CHAT: variants seen among roughly 807,000 people sequenced by gnomAD.
CHAT encodes the protein choline O-acetyltransferase, also known as acetyl CoA:choline O-acetyltransferase.
In CHAT, 61 loss-of-function variants were observed where a neutral mutation model predicts 76.9. The ratio of observed to expected loss-of-function variants is 0.79; its 90% CI spans 0.65 to 0.98. The LOEUF (loss-of-function observed/expected upper bound fraction) is 0.98. CHAT is among the 50% of genes least tolerant of loss of function. CHAT has a pLI of 0.00. For synonymous variants in CHAT, 407 were observed against 397.4 expected (o/e 1.02, Z -0.29); for missense variants, 946 against 986.9 (o/e 0.96, Z 0.56).
At chr10:49,622,283 C>A in intron 5 of CHAT, 133 bp downstream of exon 5, 1 of 921,400 alleles carries the variant, frequency 1.1e-6, no homozygotes, top group Admixed American at 1.7e-5. Context: ...GTCCCTGCCC[C>A]AACCCACTCC....
At chr10:49,661,788 T>G (rs1840201771) in intron 13 of CHAT, among the ~76,000 whole-genome samples, 3 of 152,114 alleles carry the variant, frequency 2.0e-5, no homozygotes. Context: ...GTGTGCATAC[T>G]ACATACCCAG....
At chr10:49,642,130 A>T (rs547199516) in intron 7 of CHAT, among the ~76,000 whole-genome samples, 2 of 152,242 alleles carry the variant, frequency 1.3e-5, no homozygotes, top group Admixed American at 1.3e-4. Context: ...GGGCTCCTTG[A>T]GGAAGATTGA....
intron 13 of CHAT, among the ~76,000 whole-genome samples, chr10:49,655,779 A>G (rs1004435647): frequency 6.6e-6 from 1 of 152,222 alleles, no homozygotes; most frequent in Non-Finnish European, 1.5e-5. Context: ...AAGGGGCTCA[A>G]GCCTGGCAAG....
chr10:49,641,007 AACAG>A (rs143341287), intron 7 of CHAT, among the ~76,000 whole-genome samples: 3,066 of 152,312 alleles, frequency 0.02, 119 homozygotes, highest in African/African-American at 0.071. Flanking sequence ...AGGCTTAAAC[AACAG>A]ACATTTATTT....
chr10:49,664,260 C>T (rs967879128), intron 14 of CHAT, among the ~76,000 whole-genome samples: 1 of 152,160 alleles, frequency 6.6e-6, no homozygotes, highest in African/African-American at 2.4e-5. Flanking sequence ...CTTTGAAACA[C>T]CCAACTCTGG....
intron 7 of CHAT, among the ~76,000 whole-genome samples, chr10:49,629,046 A>T (rs192603937): frequency 5.2e-4 from 79 of 152,346 alleles, no homozygotes; most frequent in African/African-American, 1.9e-3. Flanking sequence ...TCCTTCCCGC[A>T]CACTCTGTCA....
At chr10:49,639,516 T>C (rs1019364982) in intron 7 of CHAT, among the ~76,000 whole-genome samples, 2 of 142,752 alleles carry the variant, frequency 1.4e-5, no homozygotes, top group African/African-American at 2.6e-5. Context: ...TTTTCTCCTA[T>C]AGAATATATA....
rs773325047 is a variant in CHAT at position 49,663,656 on chromosome 10, C to T, written c.1977+874C>T. 3.5e-4 allele frequency among the ~76,000 whole-genome samples: 54 copies of T among 152,160 alleles called. 2 individuals are homozygous for T. The highest frequency in any genetic ancestry group is 3.9e-4 in the Admixed American group (6 of 15,276). On this transcript the variant is annotated intron_variant, in intron 14 of 14. Coordinates refer to ENST00000337653, the MANE Select transcript of CHAT (RefSeq NM_020549.5). ...AGGTCGTGGTTTAGGAGGGGAAATGCCCCACAGCCATCAATTTACTAAAAT... is the reference window on the plus strand; with the variant it reads ...AGGTCGTGGTTTAGGAGGGGAAATGTCCCACAGCCATCAATTTACTAAAAT...
chr10:49,615,735 C>G (rs866210079), intron 1 of CHAT: 3 of 474,610 alleles, frequency 6.3e-6, no homozygotes, highest in Non-Finnish European at 1.1e-5. Flanking sequence ...TGGCTCACTT[C>G]TACTGTACCT....
intron 7 of CHAT, among the ~76,000 whole-genome samples, chr10:49,633,318 G>A (rs1395074526): frequency 6.6e-6 from 1 of 152,184 alleles, no homozygotes; most frequent in Non-Finnish European, 1.5e-5. Flanking sequence ...CTGCTTACTC[G>A]GATATTAGCA....
At chr10:49,660,329 C>G (rs1269415216) in intron 13 of CHAT, among the ~76,000 whole-genome samples, 1 of 151,942 alleles carries the variant, frequency 6.6e-6, no homozygotes, top group African/African-American at 2.4e-5. Context: ...GTAGTCCCAG[C>G]TACTCAGAAA....
intron 13 of CHAT, 121 bp from the exon 14 acceptor site, chr10:49,662,524 C>A: frequency 1.5e-6 from 2 of 1,305,516 alleles, no homozygotes; most frequent in Admixed American, 1.7e-5. Flanking sequence ...GCAGCAGGCA[C>A]TGGGTAAGCA....
chr10:49,616,199 C>G, intron 1 of CHAT: 5 of 1,142,640 alleles, frequency 4.4e-6, no homozygotes, highest in South Asian at 1.2e-5. Flanking sequence ...TGCCAGCAAC[C>G]CCTGGTGGAT....
chr10:49,664,629 C>G, intron 14 of CHAT, 148 bp from the exon 15 acceptor site: 4 of 1,070,824 alleles, frequency 3.7e-6, no homozygotes, highest in Non-Finnish European at 5.7e-6. Flanking sequence ...GTTTTTATGA[C>G]TCTGGCTGTG....
At chr10:49,620,021 G>A in intron 3 of CHAT, 105 bp downstream of exon 3, 1 of 1,158,852 alleles carries the variant, frequency 8.6e-7, no homozygotes, top group Non-Finnish European at 1.2e-6. Flanking sequence ...AGGGCAGAAG[G>A]AGAGATGAGG....
intron 7 of CHAT, among the ~76,000 whole-genome samples, chr10:49,629,324 T>C (rs1185576376): frequency 6.6e-6 from 1 of 152,178 alleles, no homozygotes; most frequent in Non-Finnish European, 1.5e-5. Context: ...TATTCTTTCA[T>C]CCAATTATTG....
At chr10:49,616,711 C>A in intron 2 of CHAT, 109 bp downstream of exon 2, 1 of 801,752 alleles carries the variant, frequency 1.2e-6, no homozygotes, top group Non-Finnish European at 2.1e-6. Flanking sequence ...CTGGCCCCAG[C>A]CCTGCCCTCT....
At chr10:49,643,074 G>A (rs1439964076) in intron 7 of CHAT, among the ~76,000 whole-genome samples, 2 of 152,216 alleles carry the variant, frequency 1.3e-5, no homozygotes, top group African/African-American at 4.8e-5. Flanking sequence ...GTGTTTACAA[G>A]AGAAACCTTG....
At chr10:49,621,851 C>G (rs1196650090) in intron 4 of CHAT, among the ~76,000 whole-genome samples, 1 of 138,280 alleles carries the variant, frequency 7.2e-6, no homozygotes, top group Non-Finnish European at 1.6e-5. Flanking sequence ...CGGCATGGGG[C>G]TGGGGGGCAA....
Sources: gnomAD v4.1 joint callset for allele counts (sites outside exome capture counted in the v4.1 genomes callset) on GRCh38, gnomAD v4.1.1 for gene constraint, MANE v1.5 for transcripts, NCBI Gene and HGNC (gene_info 2026-07-23, HGNC 2026-07-21) for gene names.